The following UPP2 variants were observed in gnomAD, a reference collection of about 807,000 sequenced individuals.
The protein encoded by UPP2 is uridine phosphorylase 2.
A neutral mutation model predicts 26.7 loss-of-function variants in UPP2; 23 were observed. That is an observed-to-expected ratio of 0.86 (90% CI 0.62 to 1.22). UPP2 has a LOEUF of 1.22. Ranked by LOEUF, UPP2 falls within the 50% of genes most tolerant of loss-of-function variation. The pLI is 0.00. For synonymous variants in UPP2, 127 were observed against 141.3 expected, an observed-to-expected ratio of 0.90 and a Z score of 0.72; for missense variants, 387 against 396.7, an observed-to-expected ratio of 0.98 and a Z score of 0.21.
chr2:158,013,858 T>C lies in UPP2; in HGVS notation c.62-1943T>C, dbSNP rs1574245649. On this transcript the variant is annotated intron_variant, in intron 2 of 9. Coordinates refer to the UPP2 transcript ENST00000605860. ...CTTGTGTGAACGACAAGCCCAGGGG[T>C]TTTGTTTTCTTGTGTTTACGTAGGA... Among the ~76,000 whole-genome samples, 6 of 152,026 alleles carry C rather than the reference T, an allele frequency of 3.9e-5. No homozygotes were observed. In the South Asian group the frequency reaches 1.2e-3, roughly 32 times the overall value.
In UPP2 at chr2:158,134,867, C is replaced by G. The variant is rs754359532; in HGVS notation, c.931C>G (p.Arg311Gly). The part of the protein sequence containing the change: ...PQLLISNFIR[R>G]RLGLCD ...GCTCCTAATCTCCAACTTCATCAGA[C>G]GGCGGCTTGGACTTTGTGACTAGAC... is the stretch of plus-strand genomic sequence containing the variant. The change falls in exon 7 of 7, where the codon CGG becomes GGG. Residue 311 changes from arginine (R) to glycine (G), a missense_variant. Coordinates refer to ENST00000005756, the MANE Select transcript of UPP2 (RefSeq NM_173355.4). 6.2e-7 allele frequency: 1 copy of G among 1,613,376 alleles called. No individual in the cohort carries two copies. Among genetic ancestry groups the G allele is most frequent in the Non-Finnish European group, 8.5e-7 (1 of 1,179,674 alleles).
intron 3 of UPP2, among the ~76,000 whole-genome samples, chr2:158,067,938 T>C (rs1032058760): frequency 6.6e-6 from 1 of 152,098 alleles, no homozygotes; most frequent in East Asian, 1.9e-4. Context: ...CATGTTATAT[T>C]ACATATTATA....
intron 3 of UPP2, among the ~76,000 whole-genome samples, chr2:158,044,023 T>C (rs2105165857): frequency 6.6e-6 from 1 of 152,248 alleles, no homozygotes; most frequent in African/African-American, 2.4e-5. Flanking sequence ...CCATAAAAGG[T>C]GCTCAACAAA....
intron 2 of UPP2, among the ~76,000 whole-genome samples, chr2:158,110,700 T>C (rs1037735635): frequency 2.0e-5 from 3 of 152,132 alleles, no homozygotes; most frequent in South Asian, 2.1e-4. Flanking sequence ...TTTTAATGAT[T>C]GCCATTCTAA....
chr2:158,117,576 T>C (rs1421514521), intron 3 of UPP2, among the ~76,000 whole-genome samples: 1 of 151,988 alleles, frequency 6.6e-6, no homozygotes, highest in Non-Finnish European at 1.5e-5. Flanking sequence ...CTGCTCTTGC[T>C]GATGAGGGCT....
intron 3 of UPP2, among the ~76,000 whole-genome samples, chr2:158,088,821 T>C (rs539544643): frequency 5.5e-4 from 84 of 152,312 alleles, no homozygotes; most frequent in Middle Eastern, 3.4e-3. Flanking sequence ...CACAGAGTCC[T>C]GTGATGTGGA....
intron 3 of UPP2, among the ~76,000 whole-genome samples, chr2:158,019,961 T>C (rs1683723275): frequency 6.6e-6 from 1 of 152,260 alleles, no homozygotes; most frequent in South Asian, 2.1e-4. Flanking sequence ...AATAAAACAT[T>C]TTACTGTCAC....
intron 3 of UPP2, among the ~76,000 whole-genome samples, chr2:158,028,296 A>T (rs568042846): frequency 6.6e-6 from 1 of 152,294 alleles, no homozygotes; most frequent in Non-Finnish European, 1.5e-5. Context: ...AGTTTCTTCC[A>T]CCAGATACCC....
At chr2:158,121,974 A>T (rs914554249) in intron 5 of UPP2, among the ~76,000 whole-genome samples, 8 of 152,036 alleles carry the variant, frequency 5.3e-5, no homozygotes, top group African/African-American at 1.9e-4. Context: ...TGTACCTCAA[A>T]AATGATCCTG....
At chr2:158,044,469 T>A (rs972164773) in intron 3 of UPP2, among the ~76,000 whole-genome samples, 1 of 152,028 alleles carries the variant, frequency 6.6e-6, no homozygotes, top group African/African-American at 2.4e-5. Context: ...GATGGCAGGA[T>A]AACCGCAAAG....
chr2:158,074,393 T>G (rs914775045), intron 3 of UPP2, among the ~76,000 whole-genome samples: 4 of 152,000 alleles, frequency 2.6e-5, no homozygotes, highest in Admixed American at 1.3e-4. Flanking sequence ...CAATAAGACA[T>G]AAAGAGAAGA....
chr2:158,014,580 C>T (rs1683630795), intron 2 of UPP2, among the ~76,000 whole-genome samples: 1 of 152,214 alleles, frequency 6.6e-6, no homozygotes, highest in Admixed American at 6.5e-5. Flanking sequence ...AAAATAAATG[C>T]TTCTTTTGCT....
At chr2:158,048,817 A>G (rs1682099425) in intron 3 of UPP2, among the ~76,000 whole-genome samples, 3 of 152,226 alleles carry the variant, frequency 2.0e-5, no homozygotes. Flanking sequence ...GTGGCTTGAA[A>G]AGGAGGAAGG....
chr2:158,105,016 G>C (rs1574293394), intron 1 of UPP2, among the ~76,000 whole-genome samples: 1 of 72,182 alleles, frequency 1.4e-5, no homozygotes, highest in Non-Finnish European at 2.8e-5. Flanking sequence ...GGAGGGGAGG[G>C]GAGGGGAGGG....
At chr2:158,027,475 T>C (rs1032011470) in intron 3 of UPP2, among the ~76,000 whole-genome samples, 2 of 152,172 alleles carry the variant, frequency 1.3e-5, no homozygotes, top group Non-Finnish European at 2.9e-5. Context: ...GTTTCTATGA[T>C]CCTGGGCAGC....
At chr2:158,038,693 T>C (rs1294737778) in intron 3 of UPP2, among the ~76,000 whole-genome samples, 2 of 152,308 alleles carry the variant, frequency 1.3e-5, no homozygotes, top group African/African-American at 2.4e-5. Context: ...TAAAACCACA[T>C]TGGGAGAGAA....
chr2:158,117,069 T>G (rs1683447307), intron 3 of UPP2, among the ~76,000 whole-genome samples: 1 of 152,024 alleles, frequency 6.6e-6, no homozygotes, highest in Admixed American at 6.5e-5. Flanking sequence ...TGTCAGGAAT[T>G]AAGTTACTAC....
chr2:158,032,627 A>G (rs545239018), intron 3 of UPP2, among the ~76,000 whole-genome samples: 9 of 152,268 alleles, frequency 5.9e-5, no homozygotes, highest in African/African-American at 2.2e-4. Flanking sequence ...AGGAAGACTC[A>G]GGGCTGCATT....
intron 3 of UPP2, among the ~76,000 whole-genome samples, chr2:158,048,352 T>G (rs529358546): frequency 3.0e-4 from 45 of 152,294 alleles, no homozygotes; most frequent in African/African-American, 1.0e-3. Context: ...ACGCCTGTGA[T>G]CCCAGCACTT....
Sources: allele counts gnomAD v4.1 joint callset (sites outside exome capture counted in the v4.1 genomes callset), GRCh38; gene constraint gnomAD v4.1.1; transcripts MANE v1.5; gene names NCBI Gene and HGNC (gene_info 2026-07-23, HGNC 2026-07-21).